The following CREB5 variants were observed in gnomAD, a reference collection of about 807,000 sequenced individuals.
The protein encoded by CREB5 is cAMP responsive element binding protein 5, also known as cyclic AMP-responsive element-binding protein 5.
CREB5 carries 19 observed loss-of-function variants against 57.1 expected under a neutral mutation model. That is an observed-to-expected ratio of 0.33 (90% CI 0.23 to 0.49). The LOEUF (loss-of-function observed/expected upper bound fraction) is 0.49, where lower values mean the gene tolerates loss of function less well. Ranked by LOEUF, CREB5 falls within the 20% of genes least tolerant of loss-of-function variation. CREB5 has a pLI of 0.99. For synonymous variants in CREB5, 238 were observed against 238.3 expected, an observed-to-expected ratio of 1.00 and a Z score of 0.01; for missense variants, 579 against 671.6, an observed-to-expected ratio of 0.86 and a Z score of 1.52.
intron 5 of CREB5, among the ~76,000 whole-genome samples, chr7:28,636,239 C>T (rs1798413377): frequency 6.6e-6 from 1 of 152,122 alleles, no homozygotes; most frequent in African/African-American, 2.4e-5. Flanking sequence ...CTTGCCCATG[C>T]CCTTTTTTGA....
chr7:28,474,067 C>A (rs1038880729), intron 1 of CREB5, among the ~76,000 whole-genome samples: 4 of 152,214 alleles, frequency 2.6e-5, no homozygotes, highest in African/African-American at 9.6e-5. Flanking sequence ...AGTGCTGATA[C>A]CGAGCAAATT....
intron 1 of CREB5, among the ~76,000 whole-genome samples, chr7:28,318,646 T>C (rs1368834402): frequency 6.6e-6 from 1 of 152,156 alleles, no homozygotes; most frequent in Non-Finnish European, 1.5e-5. Flanking sequence ...CCAGGAGGCA[T>C]GTTCAGGCTG....
At chr7:28,651,557 C>A (rs545224462) in intron 5 of CREB5, among the ~76,000 whole-genome samples, 1 of 152,216 alleles carries the variant, frequency 6.6e-6, no homozygotes, top group African/African-American at 2.4e-5. Flanking sequence ...GCCTGGGCAA[C>A]AAAGTGAGAC....
rs767404879 is a variant in CREB5 at position 28,804,182 on chromosome 7, C to G, written c.703-17C>G. ...TGACTTCAGTTGTTCTCTCTCCTCC[C>G]TTTTGTTCTGTTTCAGAGGTTGAAG... On this transcript the variant is annotated splice_polypyrimidine_tract_variant and intron_variant, in intron 7 of 10. Transcript: ENST00000357727. 3.1e-6 allele frequency: 5 copies of G among 1,606,826 alleles called. No homozygotes were observed. The African/African-American group carries it at 5.3e-5, about 17-fold the overall frequency.
intron 5 of CREB5, among the ~76,000 whole-genome samples, chr7:28,607,663 G>A (rs983832897): frequency 4.6e-5 from 7 of 151,128 alleles, no homozygotes; most frequent in Non-Finnish European, 5.9e-5. Flanking sequence ...GTTTAATGTC[G>A]TTTTATCTGT....
At chr7:28,353,048 C>T (rs1404476691) in intron 1 of CREB5, among the ~76,000 whole-genome samples, 4 of 152,104 alleles carry the variant, frequency 2.6e-5, no homozygotes, top group Non-Finnish European at 4.4e-5. Flanking sequence ...TCTTCTTTCC[C>T]TTAGAAGTGC....
At chr7:28,789,196 T>G (rs905979720) in intron 7 of CREB5, among the ~76,000 whole-genome samples, 7 of 152,218 alleles carry the variant, frequency 4.6e-5, no homozygotes, top group African/African-American at 1.7e-4. Context: ...TGAGTTTGTT[T>G]TCATGCTTGT....
At chr7:28,465,772 G>C (rs1489954860) in intron 1 of CREB5, among the ~76,000 whole-genome samples, 1 of 152,182 alleles carries the variant, frequency 6.6e-6, no homozygotes, top group Non-Finnish European at 1.5e-5. Context: ...TTAACTAATG[G>C]CTATTTTTTT....
In CREB5 at chr7:28,555,243, A is replaced by T. The variant is rs184730639; in HGVS notation, c.292-15122A>T. 1.7e-3 allele frequency among the ~76,000 whole-genome samples: 253 copies of T among 152,306 alleles called. 3 individuals carry two copies. Among genetic ancestry groups the T allele is most frequent in the East Asian group, 6.2e-3 (32 of 5,182 alleles). On this transcript the variant is annotated intron_variant, in intron 4 of 10. Coordinates refer to ENST00000357727, the MANE Select transcript of CREB5 (RefSeq NM_182898.4). ...GACAAAGCATTCATGAGGGCTGGCAACTGTTCTCTCTTCCTGTGCCAGCAG... is the reference window on the plus strand; with the variant it reads ...GACAAAGCATTCATGAGGGCTGGCATCTGTTCTCTCTTCCTGTGCCAGCAG...
At chr7:28,658,983 A>ATATATATATATATATATATATATGTG in intron 5 of CREB5, among the ~76,000 whole-genome samples, 1 of 131,264 alleles carries the variant, frequency 7.6e-6, no homozygotes, top group East Asian at 2.2e-4. Flanking sequence ...ATATATATGT[A>ATATATATATATATATATATATATGTG]TATATAAGTC....
At chr7:28,347,545 T>A (rs145233987) in intron 1 of CREB5, among the ~76,000 whole-genome samples, 2 of 152,342 alleles carry the variant, frequency 1.3e-5, no homozygotes, top group East Asian at 3.9e-4. Context: ...ATTTTGCTCA[T>A]CTTGGCAAAT....
At chr7:28,482,692 T>C (rs1791383624) in intron 1 of CREB5, among the ~76,000 whole-genome samples, 1 of 152,224 alleles carries the variant, frequency 6.6e-6, no homozygotes, top group Non-Finnish European at 1.5e-5. Context: ...ATGTTGTCAA[T>C]ATCACGAATA....
chr7:28,330,425 T>G, intron 1 of CREB5, among the ~76,000 whole-genome samples: 1 of 135,870 alleles, frequency 7.4e-6, no homozygotes, highest in Admixed American at 7.5e-5. Context: ...TTTTTTTGCA[T>G]ATTTAGTTTG....
rs573375434 is a variant in CREB5 at position 28,804,303 on chromosome 7, G to A, written c.807G>A (p.Thr269=). The A allele has an allele frequency of 2.4e-4, 383 of 1,613,788 alleles. 1 individual carries two copies. The highest frequency in any genetic ancestry group is 1.7e-4 in the Non-Finnish European group (200 of 1,179,880). Residue 269 remains threonine, a synonymous_variant, in exon 8 of 11, where the codon ACG becomes ACA. Coordinates refer to ENST00000357727, the MANE Select transcript of CREB5 (RefSeq NM_182898.4). ...MEMMGSRQDQ[T]PHHHMHSHPH... is the part of the protein sequence containing the mutation. ...TGATGGGCTCCCGGCAGGACCAGAC[G>A]CCACACCATCACATGCACTCGCACC...
At chr7:28,560,379 G>A (rs1795036811) in intron 4 of CREB5, among the ~76,000 whole-genome samples, 1 of 152,152 alleles carries the variant, frequency 6.6e-6, no homozygotes, top group African/African-American at 2.4e-5. Flanking sequence ...ATAGGGTCTT[G>A]AAGGCAAGGC....
In CREB5 at chr7:28,641,068, G is replaced by A. The variant is rs1014334204; in HGVS notation, c.464+70531G>A. Among the ~76,000 whole-genome samples the A allele has an allele frequency of 1.8e-4, 27 of 152,092 alleles. 1 individual carries two copies. Among genetic ancestry groups the A allele is most frequent in the African/African-American group, 6.5e-4 (27 of 41,404 alleles). On this transcript the variant is annotated intron_variant, in intron 5 of 10. Transcript: ENST00000357727. ...CACCCACAATGACCCCTTCATCTCT[G>A]CATCAAGTCAGGGGCCTACATTCCA... is the stretch of plus-strand genomic sequence containing the variant.
In CREB5 at chr7:28,513,097, G is replaced by A. The variant is rs565632750; in HGVS notation, c.291+5360G>A. On this transcript the variant is annotated intron_variant, in intron 4 of 10. Coordinates refer to ENST00000357727, the MANE Select transcript of CREB5 (RefSeq NM_182898.4). ...TCTGTACCTGGAAATCATGTTACCC[G>A]ATGCCACCCATTACTTGGGGCAAGA... 1.6e-4 allele frequency among the ~76,000 whole-genome samples: 24 copies of A among 152,290 alleles called. No homozygotes were observed. In the South Asian group the frequency reaches 2.9e-3, roughly 18 times the overall value.
upstream of CREB5, among the ~76,000 whole-genome samples, chr7:28,407,829 C>T (rs1469488661): frequency 6.6e-6 from 1 of 152,118 alleles, no homozygotes; most frequent in East Asian, 1.9e-4. Context: ...TGTGACAATC[C>T]AGGCAATGTA....
chr7:28,367,669 G>A (rs770583959), intron 1 of CREB5, among the ~76,000 whole-genome samples: 23 of 152,176 alleles, frequency 1.5e-4, no homozygotes, highest in Non-Finnish European at 2.6e-4. Flanking sequence ...TTAGCCAGGC[G>A]TGGCAGCGCA....
Sources: allele counts gnomAD v4.1 joint callset (sites outside exome capture counted in the v4.1 genomes callset), GRCh38; gene constraint gnomAD v4.1.1; transcripts MANE v1.5; gene names NCBI Gene and HGNC (gene_info 2026-07-23, HGNC 2026-07-21).